ATF7: variants seen among roughly 807,000 people sequenced by gnomAD.
ATF7 encodes the protein activating transcription factor 7.
ATF7 carries 10 observed loss-of-function variants against 50.4 expected under a neutral mutation model. The ratio of observed to expected loss-of-function variants is 0.20; its 90% CI spans 0.12 to 0.34. The LOEUF (loss-of-function observed/expected upper bound fraction) is 0.34. Ranked by LOEUF, ATF7 falls within the 10% of genes least tolerant of loss-of-function variation. The pLI is 1.00. For synonymous variants in ATF7, 201 were observed against 226.4 expected (o/e 0.89, Z 1.01); for missense variants, 465 against 613.9 (o/e 0.76, Z 2.56).
chr12:53,586,595 C>T (rs1277514048), intron 2 of ATF7, among the ~76,000 whole-genome samples: 1 of 152,156 alleles, frequency 6.6e-6, no homozygotes, highest in Non-Finnish European at 1.5e-5. Context: ...AGCTTGAGAA[C>T]AGAGACATAA....
At chr12:53,614,215 T>C (rs1035168908) in intron 1 of ATF7, among the ~76,000 whole-genome samples, 1 of 151,896 alleles carries the variant, frequency 6.6e-6, no homozygotes, top group Non-Finnish European at 1.5e-5. Flanking sequence ...GAAAGGTTAA[T>C]AAAGCAAAAA....
intron 11 of ATF7, chr12:53,522,552 CTG>C (rs1453019196): frequency 2.1e-5 from 3 of 142,738 alleles, no homozygotes; most frequent in African/African-American, 7.9e-5. Flanking sequence ...CAGCAAGACT[CTG>C]TCTCAAAAAC....
At chr12:53,606,486 G>A (rs1030684553) in intron 1 of ATF7, among the ~76,000 whole-genome samples, 4 of 152,208 alleles carry the variant, frequency 2.6e-5, no homozygotes, top group African/African-American at 9.6e-5. Flanking sequence ...GACCTTAGGT[G>A]ATCCACCCGC....
intron 1 of ATF7, among the ~76,000 whole-genome samples, chr12:53,611,719 T>C (rs900703404): frequency 1.3e-5 from 2 of 152,004 alleles, no homozygotes; most frequent in African/African-American, 2.4e-5. Context: ...GCCTCCTGAA[T>C]AGCTGAGATT....
In ATF7 at chr12:53,599,472, T is replaced by C. The variant is rs901374083; in HGVS notation, c.48+1481A>G. 7.9e-5 allele frequency among the ~76,000 whole-genome samples: 11 copies of C among 139,240 alleles called. No homozygotes were observed. In the East Asian group the frequency reaches 2.3e-3, roughly 30 times the overall value. The allele number at this position is 139,240 out of a possible 152,430, so 91.3% of individuals were successfully genotyped here. A position where few individuals can be genotyped will look rare whatever the true frequency, so the allele number is the denominator to read the frequency against. ...TATAAATGGAGATATATATATATTC[T>C]ATATATATATATGAAATCACATGGG... is the stretch of plus-strand genomic sequence containing the variant. On this transcript the variant is annotated intron_variant, in intron 2 of 11. Transcript: ENST00000420353.
chr12:53,600,181 G>C (rs1015335299), intron 2 of ATF7, among the ~76,000 whole-genome samples: 1 of 152,032 alleles, frequency 6.6e-6, no homozygotes, highest in African/African-American at 2.4e-5. Flanking sequence ...TGATTTTCTG[G>C]ATCAACAGTC....
chr12:53,587,841 ATATTTTT>A (rs1463678484), intron 2 of ATF7, among the ~76,000 whole-genome samples: 5 of 46,404 alleles, frequency 1.1e-4, no homozygotes, highest in South Asian at 2.4e-3. Flanking sequence ...ATATATATAT[ATATTTTT>A]TTTTTTTTTT....
At chr12:53,523,099 A>G in intron 11 of ATF7, 177 bp downstream of exon 11, 6 of 570,786 alleles carry the variant, frequency 1.1e-5, no homozygotes, top group Non-Finnish European at 1.9e-5. Flanking sequence ...AATTAGCTCT[A>G]TATCGTCTAC....
intron 9 of ATF7, among the ~76,000 whole-genome samples, chr12:53,529,734 C>CACACACACACACACACACACACACAT (rs1298379846): frequency 1.3e-4 from 18 of 143,534 alleles, no homozygotes; most frequent in East Asian, 2.0e-4. Flanking sequence ...CACACACACA[C>CACACACACACACACACACACACACAT]ATATATATAT....
At chr12:53,585,526 T>A (rs1418584430) in intron 2 of ATF7, among the ~76,000 whole-genome samples, 2 of 151,470 alleles carry the variant, frequency 1.3e-5, no homozygotes, top group African/African-American at 2.4e-5. Flanking sequence ...TTTCTTAATT[T>A]AAAAAAAAGC....
downstream of ATF7, among the ~76,000 whole-genome samples, chr12:53,509,817 C>G (rs756276581): frequency 2.4e-4 from 36 of 151,746 alleles, no homozygotes; most frequent in Non-Finnish European, 4.9e-4. Context: ...ACTCCATAGT[C>G]TTTTTTGCTC....
chr12:53,522,453 G>A (rs1006101347), intron 11 of ATF7, among the ~76,000 whole-genome samples: 21 of 152,262 alleles, frequency 1.4e-4, no homozygotes, highest in Admixed American at 3.9e-4. Flanking sequence ...CAGCTACTCC[G>A]GAGGCTGAGA....
chr12:53,540,612 G>A (rs1939493025), intron 4 of ATF7, among the ~76,000 whole-genome samples: 1 of 151,806 alleles, frequency 6.6e-6, no homozygotes, highest in Admixed American at 6.6e-5. Flanking sequence ...TGTAATCCCA[G>A]GTACTCGGGA....
intron 2 of ATF7, among the ~76,000 whole-genome samples, chr12:53,578,327 C>T (rs1263574190): frequency 7.2e-6 from 1 of 139,170 alleles, no homozygotes; most frequent in Non-Finnish European, 1.5e-5. Context: ...GAGATCACAC[C>T]ACTGCACTCT....
chr12:53,558,647 A>G (rs928072746), intron 2 of ATF7, among the ~76,000 whole-genome samples: 7 of 152,222 alleles, frequency 4.6e-5, no homozygotes, highest in African/African-American at 1.4e-4. Flanking sequence ...TAACAAAAAG[A>G]TAATATAGAA....
intron 2 of ATF7, chr12:53,575,574 C>CAAAAAAAAAAAAAAA (rs150259793): frequency 9.7e-6 from 1 of 103,568 alleles, no homozygotes; most frequent in Non-Finnish European, 2.0e-5. Context: ...ATGCAGTCTC[C>CAAAAAAAAAAAAAAA]AAAAAAAAAA....
chr12:53,529,489 C>T (rs916069254), intron 9 of ATF7, among the ~76,000 whole-genome samples: 2 of 151,868 alleles, frequency 1.3e-5, no homozygotes, highest in African/African-American at 2.4e-5. Flanking sequence ...GCGTGAGCCA[C>T]CACGCCTGGC....
At position 53,548,535 on chromosome 12, in the gene ATF7, G is replaced by A. The variant is rs551363674; in HGVS notation, c.145+4006C>T. Among the ~76,000 whole-genome samples, 437 of 151,988 alleles carry A rather than the reference G, an allele frequency of 2.9e-3. 1 individual carries two copies. Among genetic ancestry groups the A allele is most frequent in the African/African-American group, 9.7e-3 (400 of 41,444 alleles). On this transcript the variant is annotated intron_variant, in intron 3 of 11. Coordinates refer to ENST00000420353, the MANE Select transcript of ATF7 (RefSeq NM_006856.3). ...TTTTGTAGAGATGGGGTCTTGCTAC[G>A]TTGCCCAGGCTGGCCTCTAACTCCT...
chr12:53,534,408 T>C, intron 6 of ATF7, 94 bp downstream of exon 6: 1 of 1,542,952 alleles, frequency 6.5e-7, no homozygotes, highest in Non-Finnish European at 9.0e-7. Context: ...TTATTTTCCT[T>C]GGGTATTGGA....
Sources: allele counts gnomAD v4.1 joint callset (sites outside exome capture counted in the v4.1 genomes callset), GRCh38; gene constraint gnomAD v4.1.1; transcripts MANE v1.5; gene names NCBI Gene and HGNC (gene_info 2026-07-23, HGNC 2026-07-21).